The following SUSD4 variants were observed in gnomAD, a reference collection of about 807,000 sequenced individuals.
The protein encoded by SUSD4 is sushi domain containing 4.
SUSD4 carries 41 observed loss-of-function variants against 50.5 expected under a neutral mutation model. The observed-to-expected ratio is 0.81, with a 90% CI of 0.63 to 1.05. The LOEUF is 1.05. SUSD4 is among the 50% of genes least tolerant of loss of function. The pLI is 0.00. For synonymous variants in SUSD4, 257 were observed against 257.3 expected, an observed-to-expected ratio of 1.00 and a Z score of 0.01; for missense variants, 580 against 634.7, an observed-to-expected ratio of 0.91 and a Z score of 0.93.
intron 2 of SUSD4, among the ~76,000 whole-genome samples, chr1:223,336,364 G>A (rs887857290): frequency 6.6e-6 from 1 of 152,140 alleles, no homozygotes; most frequent in Non-Finnish European, 1.5e-5. Flanking sequence ...GAAATCAATA[G>A]GTAATAGCTA....
Position 223,222,390 on chromosome 1 carries a change from T to A in SUSD4, c.1445-170A>T, listed in dbSNP as rs376887691. Among the ~76,000 whole-genome samples, 9 of 152,340 alleles carry A rather than the reference T, an allele frequency of 5.9e-5. No individual in the cohort carries two copies. In the South Asian group the frequency reaches 1.7e-3, roughly 28 times the overall value. ...AAATAAATCAACCTCCTATACAACATCTTTCTGTAACAATTGTTCTTTGCC... is the reference window on the plus strand; with the variant it reads ...AAATAAATCAACCTCCTATACAACAACTTTCTGTAACAATTGTTCTTTGCC... On this transcript the variant is annotated intron_variant, in intron 8 of 8. Transcript: ENST00000366878.
At chr1:223,348,699 GT>G (rs1558272631) in intron 2 of SUSD4, among the ~76,000 whole-genome samples, 1 of 152,130 alleles carries the variant, frequency 6.6e-6, no homozygotes, top group Admixed American at 6.5e-5. Flanking sequence ...CTAAAGGTGC[GT>G]AAGCCCAAAA....
chr1:223,303,558 C>T (rs922653861), intron 2 of SUSD4, among the ~76,000 whole-genome samples: 2 of 152,178 alleles, frequency 1.3e-5, no homozygotes, highest in African/African-American at 2.4e-5. Context: ...CAGGATCTGG[C>T]CAGCAGCCCG....
chr1:223,282,806 A>G (rs1478185274), intron 3 of SUSD4, among the ~76,000 whole-genome samples: 1 of 152,206 alleles, frequency 6.6e-6, no homozygotes, highest in East Asian at 1.9e-4. Flanking sequence ...AAAAGAACAA[A>G]GCTGGAGGCA....
At chr1:223,222,799 T>C (rs1659214082) in intron 8 of SUSD4, among the ~76,000 whole-genome samples, 1 of 152,222 alleles carries the variant, frequency 6.6e-6, no homozygotes, top group Admixed American at 6.5e-5. Flanking sequence ...ACTCTGGGGC[T>C]AGAACACACT....
At chr1:223,286,248 TG>T (rs1468663696) in intron 3 of SUSD4, among the ~76,000 whole-genome samples, 1 of 152,210 alleles carries the variant, frequency 6.6e-6, no homozygotes, top group Non-Finnish European at 1.5e-5. Flanking sequence ...CCCGAGTAGC[TG>T]GGACTACAGA....
At chr1:223,224,995 G>T (rs1317292665) in intron 7 of SUSD4, among the ~76,000 whole-genome samples, 2 of 149,428 alleles carry the variant, frequency 1.3e-5, no homozygotes, top group Non-Finnish European at 3.0e-5. Flanking sequence ...TCAGCCTCCC[G>T]AGTAGCTGGG....
At chr1:223,311,396 G>A (rs1665866682) in intron 2 of SUSD4, among the ~76,000 whole-genome samples, 1 of 152,190 alleles carries the variant, frequency 6.6e-6, no homozygotes, top group African/African-American at 2.4e-5. Flanking sequence ...TACATATGAT[G>A]TAAGTGCTCT....
chr1:223,259,324 G>T (rs1481111339), intron 5 of SUSD4, among the ~76,000 whole-genome samples: 1 of 152,148 alleles, frequency 6.6e-6, no homozygotes. Flanking sequence ...GAGTGTTGTT[G>T]AAGGGAGGAC....
chr1:223,234,017 G>T (rs567926824), intron 5 of SUSD4, among the ~76,000 whole-genome samples: 2 of 152,122 alleles, frequency 1.3e-5, no homozygotes, highest in African/African-American at 4.8e-5. Context: ...AGAGGGTTAC[G>T]GCTCTTTTCA....
At chr1:223,345,080 T>C (rs1667958281) in intron 2 of SUSD4, among the ~76,000 whole-genome samples, 1 of 152,158 alleles carries the variant, frequency 6.6e-6, no homozygotes, top group African/African-American at 2.4e-5. Flanking sequence ...TGTCACACAC[T>C]GTAAAGAAAA....
chr1:223,239,025 C>T (rs1006616806), intron 5 of SUSD4, among the ~76,000 whole-genome samples: 2 of 151,978 alleles, frequency 1.3e-5, no homozygotes, highest in Non-Finnish European at 2.9e-5. Flanking sequence ...TAAATGCATA[C>T]ACATTAAGGA....
chr1:223,275,673 T>G (rs1324470358), intron 3 of SUSD4, among the ~76,000 whole-genome samples: 1 of 152,222 alleles, frequency 6.6e-6, no homozygotes, highest in African/African-American at 2.4e-5. Flanking sequence ...GCATCTGAGC[T>G]TGGGGCCTGG....
intron 3 of SUSD4, among the ~76,000 whole-genome samples, chr1:223,284,391 C>A (rs1309682442): frequency 6.6e-6 from 1 of 152,146 alleles, no homozygotes; most frequent in Admixed American, 6.5e-5. Context: ...GATGACCATA[C>A]TGGAAAGAAA....
intron 4 of SUSD4, among the ~76,000 whole-genome samples, chr1:223,266,981 C>T (rs1662532933): frequency 6.6e-6 from 1 of 152,224 alleles, no homozygotes; most frequent in Non-Finnish European, 1.5e-5. Flanking sequence ...CACCCACCCC[C>T]TCTGTGGGAC....
intron 2 of SUSD4, among the ~76,000 whole-genome samples, chr1:223,300,040 C>T (rs763998983): frequency 6.6e-6 from 1 of 152,122 alleles, no homozygotes; most frequent in Non-Finnish European, 1.5e-5. Flanking sequence ...GCTGAATGTC[C>T]CTCCACCCAG....
upstream of SUSD4, among the ~76,000 whole-genome samples, chr1:223,364,763 A>G (rs769143317): frequency 6.6e-6 from 1 of 151,910 alleles, no homozygotes; most frequent in Non-Finnish European, 1.5e-5. This position sits in a 1 kb window ranked among gnomAD's most constrained non-coding sequence, Gnocchi z 4.5. Context: ...GGCAGCTCCC[A>G]ACCCCAGAAC....
chr1:223,341,557 G>A (rs1026156615), intron 2 of SUSD4, among the ~76,000 whole-genome samples: 5 of 148,812 alleles, frequency 3.4e-5, no homozygotes, highest in Admixed American at 1.3e-4. Context: ...CAGAACACCC[G>A]ATGCAGAAAT....
chr1:223,268,358 A>G, intron 4 of SUSD4, 144 bp downstream of exon 4: 1 of 1,081,578 alleles, frequency 9.2e-7, no homozygotes, highest in Non-Finnish European at 1.3e-6. Flanking sequence ...TGTAGTAAAG[A>G]TGCAACTGGA....
Sources: allele counts gnomAD v4.1 joint callset (sites outside exome capture counted in the v4.1 genomes callset), GRCh38; gene constraint gnomAD v4.1.1; non-coding constraint Gnocchi (gnomAD v3.1); transcripts MANE v1.5; gene names NCBI Gene and HGNC (gene_info 2026-07-23, HGNC 2026-07-21).